ZNF469: variants seen among roughly 807,000 people sequenced by gnomAD.
ZNF469 encodes zinc finger protein 469.
Under a neutral mutation model 1.0 loss-of-function variants are expected in ZNF469, and 1 was observed. The observed-to-expected ratio is 1.00, with a 90% CI of 0.35 to 4.73. The LOEUF (loss-of-function observed/expected upper bound fraction) is 4.73, where lower values mean the gene tolerates loss of function less well. Ranked by LOEUF, ZNF469 falls within the 30% of genes most tolerant of loss-of-function variation. The pLI is 0.16. For missense variants in ZNF469, 6,100 were observed against 5,356.3 expected (o/e 1.14, Z -4.33); for synonymous variants, 2,703 against 2,363.4 (o/e 1.14, Z -4.17).
the ZNF469 span, among the ~76,000 whole-genome samples, chr16:88,334,048 G>C: frequency 6.6e-6 from 1 of 151,534 alleles, no homozygotes; most frequent in African/African-American, 2.4e-5. Context: ...GTGTCTCTGT[G>C]TGTCTGTGTC....
the ZNF469 span, among the ~76,000 whole-genome samples, chr16:88,282,975 G>A: frequency 6.6e-6 from 1 of 152,182 alleles, no homozygotes; most frequent in South Asian, 2.1e-4. Flanking sequence ...TAGCTTAACG[G>A]GGAGCAGGAG....
the ZNF469 span, among the ~76,000 whole-genome samples, chr16:88,217,505 T>G: frequency 6.7e-6 from 1 of 150,360 alleles, no homozygotes; most frequent in South Asian, 2.2e-4. Flanking sequence ...GTTAGTTACA[T>G]ACGTATACAT....
rs1906918231 is a variant in ZNF469 at position 88,440,404 on chromosome 16, C to T, written c.*1072C>T. 1 of 152,108 alleles carries T rather than the reference C, an allele frequency of 6.6e-6. No homozygotes were observed. The highest frequency in any genetic ancestry group is 1.5e-5 in the Non-Finnish European group (1 of 68,018). 9.4% of individuals were successfully genotyped at this position (152,108 alleles called of 1,614,324 possible). On this transcript the variant is annotated 3_prime_UTR_variant, in exon 3 of 3. Transcript: ENST00000565624. Reference sequence around the variant, plus strand: ...AGGGCACCCTCATGCACCGACCCAACCCAGGCCTGGGACGCACGTGTCCTC... The same window carrying T: ...AGGGCACCCTCATGCACCGACCCAATCCAGGCCTGGGACGCACGTGTCCTC...
the ZNF469 span, among the ~76,000 whole-genome samples, chr16:88,166,768 C>A: frequency 2.8e-5 from 3 of 107,512 alleles, 1 homozygote; most frequent in South Asian, 8.5e-4. This position sits in a 1 kb window ranked among gnomAD's most constrained non-coding sequence, Gnocchi z 4.5. Flanking sequence ...GAATCAGAAT[C>A]ATAAACACAC....
chr16:88,400,139 C>T (rs868187402), intron 1 of ZNF469, among the ~76,000 whole-genome samples: 1 of 152,212 alleles, frequency 6.6e-6, no homozygotes, highest in Non-Finnish European at 1.5e-5. Context: ...ACTGGGGAGG[C>T]GCAGAGCCAA....
the ZNF469 span, among the ~76,000 whole-genome samples, chr16:88,245,032 G>A: frequency 1.3e-4 from 19 of 151,994 alleles, no homozygotes; most frequent in African/African-American, 3.6e-4. Flanking sequence ...CAGCACTCCT[G>A]AGCAGCAGGA....
rs1906675163 is a variant in ZNF469 at position 88,437,470 on chromosome 16, G to C, written c.10000G>C (p.Asp3334His). 3 of 1,535,784 alleles carry C rather than the reference G, an allele frequency of 2.0e-6. No individual in the cohort carries two copies. The highest frequency in any genetic ancestry group is 2.6e-6 in the Non-Finnish European group (3 of 1,137,674). The stretch of plus-strand genomic sequence containing the variant: ...CACCCCGGTGCACGAGGCCTGCAAG[G>C]ACCCCTCCCGCGACTGCCACCACTG... ...QATPVHEACKDPSRDCHHCGK... is the reference protein window; with the variant it reads ...QATPVHEACKHPSRDCHHCGK... The change falls in exon 3 of 3, where the codon GAC becomes CAC. Residue 3334 changes from aspartate (D) to histidine (H), a missense_variant. Asp to His is a moderately conservative substitution (Grantham distance 81, BLOSUM62 -1). Coordinates refer to ENST00000565624, the MANE Select transcript of ZNF469 (RefSeq NM_001367624.2).
the ZNF469 span, among the ~76,000 whole-genome samples, chr16:88,278,863 C>G: frequency 7.2e-6 from 1 of 139,714 alleles, no homozygotes; most frequent in Non-Finnish European, 1.6e-5. Context: ...ACAGTTAGTG[C>G]TGTGCCACGC....
chr16:88,396,866 G>T (rs1176844277), intron 1 of ZNF469, among the ~76,000 whole-genome samples: 2 of 148,340 alleles, frequency 1.3e-5, no homozygotes, highest in African/African-American at 5.0e-5. Flanking sequence ...GGGAGGCCGG[G>T]AGGACACCCT....
chr16:88,160,278 A>G, the ZNF469 span, among the ~76,000 whole-genome samples: 1 of 152,240 alleles, frequency 6.6e-6, no homozygotes, highest in African/African-American at 2.4e-5. Context: ...TTTGGTGGGC[A>G]AGATTATCTC....
At chr16:88,126,835 G>A in the ZNF469 span, among the ~76,000 whole-genome samples, 1 of 148,096 alleles carries the variant, frequency 6.8e-6, no homozygotes, top group Non-Finnish European at 1.5e-5. Context: ...TGTGTTTTTG[G>A]TAGAGATGGG....
At chr16:88,166,346 G>A in the ZNF469 span, among the ~76,000 whole-genome samples, 6 of 152,100 alleles carry the variant, frequency 3.9e-5, no homozygotes, top group Non-Finnish European at 5.9e-5. This position sits in a 1 kb window ranked among gnomAD's most constrained non-coding sequence, Gnocchi z 4.5. Flanking sequence ...AACTGTGGAC[G>A]CAAGCATGAT....
chr16:88,187,613 G>A, the ZNF469 span, among the ~76,000 whole-genome samples: 2 of 151,646 alleles, frequency 1.3e-5, no homozygotes, highest in African/African-American at 2.4e-5. Flanking sequence ...TTTTTGACTT[G>A]AAGAAATCTC....
At chr16:88,184,853 G>A in the ZNF469 span, among the ~76,000 whole-genome samples, 2 of 152,246 alleles carry the variant, frequency 1.3e-5, no homozygotes, top group Non-Finnish European at 2.9e-5. Flanking sequence ...GGCTTGTGCG[G>A]GGACACGTGC....
Position 88,427,653 on chromosome 16 carries a change from C to A in ZNF469, c.183C>A (p.Pro61=), listed in dbSNP as rs746875261. The part of the protein sequence containing the change: ...AGGQAQAMEL[P]EAQPRQARDG... The stretch of plus-strand genomic sequence containing the variant: ...GCCAGGCCCAGGCCATGGAGCTCCC[C>A]GAGGCCCAGCCAAGGCAGGCCAGGG... Residue 61 remains proline, a synonymous_variant, in exon 3 of 3, where the codon CCC becomes CCA. Transcript: ENST00000565624. The A allele has an allele frequency of 6.5e-7, 1 of 1,536,852 alleles. No individual in the cohort carries two copies. The highest frequency in any genetic ancestry group is 1.4e-5 in the African/African-American group (1 of 73,078).
the ZNF469 span, among the ~76,000 whole-genome samples, chr16:88,119,462 T>C: frequency 4.3e-4 from 66 of 152,274 alleles, no homozygotes; most frequent in African/African-American, 1.6e-3. Flanking sequence ...CAACTCAGCA[T>C]TCTTCTTGGT....
the ZNF469 span, among the ~76,000 whole-genome samples, chr16:88,149,638 A>AC: frequency 4.0e-5 from 6 of 151,566 alleles, no homozygotes; most frequent in African/African-American, 1.5e-4. Context: ...CCACTGAAGA[A>AC]CCCCCCGCAC....
the ZNF469 span, among the ~76,000 whole-genome samples, chr16:88,131,893 C>T: frequency 1.3e-5 from 2 of 152,082 alleles, no homozygotes; most frequent in Non-Finnish European, 2.9e-5. Context: ...CGCCCACCTG[C>T]CCGCGCCCAC....
At position 88,437,917 on chromosome 16, in the gene ZNF469, G is replaced by A; in HGVS notation, c.10447G>A (p.Ala3483Thr). The change falls in exon 3 of 3, where the codon GCC (alanine) becomes ACC (threonine). Residue 3483 changes from alanine (A) to threonine (T), a missense_variant. Ala to Thr is a moderately conservative substitution (Grantham distance 58). Transcript: ENST00000565624. Reference sequence around the variant, plus strand: ...GCGCAGGGTGGCCATGCCCGGCAGTGCCCCTGGGCCCGGCGAGGACAGGCC... The same window carrying A: ...GCGCAGGGTGGCCATGCCCGGCAGTACCCCTGGGCCCGGCGAGGACAGGCC... Reference protein sequence around the residue: ...KRRRVAMPGSAPGPGEDRPPP... With the variant: ...KRRRVAMPGSTPGPGEDRPPP... The A allele has an allele frequency of 6.5e-7, 1 of 1,539,788 alleles. No homozygotes were observed. The highest frequency in any genetic ancestry group is 8.8e-7 in the Non-Finnish European group (1 of 1,141,282).
Sources: gnomAD v4.1 joint callset for allele counts (sites outside exome capture counted in the v4.1 genomes callset) on GRCh38, gnomAD v4.1.1 for gene constraint, Gnocchi (gnomAD v3.1) non-coding constraint, MANE v1.5 for transcripts, NCBI Gene and HGNC (gene_info 2026-07-23, HGNC 2026-07-21) for gene names.